The following SLC16A10 variants were observed in gnomAD, a reference collection of about 807,000 sequenced individuals.
SLC16A10 encodes monocarboxylate transporter 10.
Under a neutral mutation model 40.0 loss-of-function variants are expected in SLC16A10, and 27 were observed. The observed-to-expected ratio is 0.67, with a 90% CI of 0.50 to 0.93. SLC16A10 has a LOEUF of 0.93. SLC16A10 is among the 40% of genes least tolerant of loss of function. The pLI, the probability that SLC16A10 is intolerant of heterozygous loss-of-function variation, is 0.00. For missense variants in SLC16A10, 529 were observed against 658.2 expected (o/e 0.80, Z 2.15); for synonymous variants, 213 against 249.8 (o/e 0.85, Z 1.39).
chr6:111,176,236 C>A (rs1431410269), intron 2 of SLC16A10, among the ~76,000 whole-genome samples: 1 of 152,264 alleles, frequency 6.6e-6, no homozygotes, highest in Admixed American at 6.5e-5. Flanking sequence ...TTATCAGATT[C>A]TAGAGTTCCT....
At chr6:111,107,234 TACA>T (rs1254277998) in intron 1 of SLC16A10, among the ~76,000 whole-genome samples, 1 of 152,216 alleles carries the variant, frequency 6.6e-6, no homozygotes, top group Non-Finnish European at 1.5e-5. Context: ...ACTAACTTGT[TACA>T]ACATGTCTGA....
At chr6:111,217,730 A>C (rs1770792076) in intron 4 of SLC16A10, among the ~76,000 whole-genome samples, 1 of 152,282 alleles carries the variant, frequency 6.6e-6, no homozygotes, top group African/African-American at 2.4e-5. Context: ...GGTTACAGGC[A>C]TGAGCCACCG....
chr6:111,111,717 T>A (rs952078168), intron 1 of SLC16A10, among the ~76,000 whole-genome samples: 3 of 152,230 alleles, frequency 2.0e-5, no homozygotes, highest in Non-Finnish European at 2.9e-5. Flanking sequence ...TTCTATGAGA[T>A]CAGCCTTTTA....
chr6:111,155,366 C>T (rs191990371), intron 1 of SLC16A10, among the ~76,000 whole-genome samples: 6 of 151,210 alleles, frequency 4.0e-5, no homozygotes, highest in South Asian at 4.2e-4. Flanking sequence ...AAAGTTGTTT[C>T]GTTTTTTTTT....
At chr6:111,217,268 T>C (rs1773440967) in intron 4 of SLC16A10, among the ~76,000 whole-genome samples, 1 of 152,206 alleles carries the variant, frequency 6.6e-6, no homozygotes, top group Non-Finnish European at 1.5e-5. Flanking sequence ...TAGTACCACC[T>C]CATAAAGTTG....
chr6:111,096,015 A>G (rs568836398), intron 1 of SLC16A10, among the ~76,000 whole-genome samples: 1 of 152,322 alleles, frequency 6.6e-6, no homozygotes, highest in South Asian at 2.1e-4. Context: ...GATAGATAAG[A>G]AAGTTGCAAC....
rs187793664 is a variant in SLC16A10 at position 111,154,809 on chromosome 6, A to G, written c.344-17886A>G. Among the ~76,000 whole-genome samples the G allele has an allele frequency of 3.0e-3, 458 of 152,226 alleles. 5 individuals are homozygous for G. Among genetic ancestry groups the G allele is most frequent in the African/African-American group, 0.011 (446 of 41,538 alleles). ...GGAGTTCGAGACCAGCCTGGCCAAC[A>G]TGGAAACCTCGTCTCTACTGAAAAT... On this transcript the variant is annotated intron_variant, in intron 1 of 5. Coordinates refer to ENST00000368851, the MANE Select transcript of SLC16A10 (RefSeq NM_018593.5).
chr6:111,221,165 A>T (rs1770881421), intron 5 of SLC16A10, among the ~76,000 whole-genome samples: 3 of 152,226 alleles, frequency 2.0e-5, no homozygotes, highest in Non-Finnish European at 4.4e-5. Flanking sequence ...TAAGAGTTTA[A>T]AAACACTAAG....
intron 1 of SLC16A10, among the ~76,000 whole-genome samples, chr6:111,127,854 A>G (rs1771703874): frequency 6.6e-6 from 1 of 152,144 alleles, no homozygotes; most frequent in African/African-American, 2.4e-5. Context: ...CAAAATAGGG[A>G]TTAGGAAGTA....
chr6:111,205,196 A>G (rs1773234619), intron 3 of SLC16A10, among the ~76,000 whole-genome samples: 1 of 152,202 alleles, frequency 6.6e-6, no homozygotes, highest in Non-Finnish European at 1.5e-5. Context: ...AGAAGAGAAA[A>G]AGGAGATGGT....
At chr6:111,096,124 T>C (rs192745234) in intron 1 of SLC16A10, among the ~76,000 whole-genome samples, 1 of 152,286 alleles carries the variant, frequency 6.6e-6, no homozygotes, top group East Asian at 1.9e-4. Context: ...GTCAAAGTTG[T>C]CCTGAAAGTA....
intron 3 of SLC16A10, among the ~76,000 whole-genome samples, chr6:111,190,806 G>T (rs1478375176): frequency 6.6e-6 from 1 of 152,218 alleles, no homozygotes; most frequent in Non-Finnish European, 1.5e-5. Flanking sequence ...ACAGCAGGGG[G>T]ACTCTGGGCC....
At chr6:111,134,313 C>T (rs898338647) in intron 1 of SLC16A10, among the ~76,000 whole-genome samples, 10 of 152,218 alleles carry the variant, frequency 6.6e-5, no homozygotes, top group Non-Finnish European at 1.3e-4. Context: ...AAAGAAAATC[C>T]TACCACCTTT....
rs765226647 is a variant in SLC16A10 at position 111,177,753 on chromosome 6, G to T, written c.942+88G>T. On this transcript the variant is annotated intron_variant, in intron 3 of 5. Transcript: ENST00000368851. ...AGAAAGTTAGGTCGAGTTAAAGTTG[G>T]CCTCAAACATTATCCTGGTTGTAAT... The T allele has an allele frequency of 8.2e-6, 10 of 1,212,376 alleles. No homozygotes were observed. The African/African-American group carries it at 1.5e-4, about 18-fold the overall frequency. 75.1% of individuals were successfully genotyped at this position (1,212,376 alleles called of 1,614,324 possible).
At chr6:111,144,863 G>A (rs938078392) in intron 1 of SLC16A10, among the ~76,000 whole-genome samples, 1 of 151,840 alleles carries the variant, frequency 6.6e-6, no homozygotes, top group Non-Finnish European at 1.5e-5. Flanking sequence ...CTTTTTTCCT[G>A]AGACGGAGTC....
rs190757763 is a variant in SLC16A10, at chr6:111,137,340, G to A, written c.344-35355G>A. Among the ~76,000 whole-genome samples the A allele has an allele frequency of 6.0e-4, 91 of 152,336 alleles. 1 individual carries two copies. Among genetic ancestry groups the A allele is most frequent in the Middle Eastern group, 3.4e-3 (1 of 294 alleles). On this transcript the variant is annotated intron_variant, in intron 1 of 5. Transcript: ENST00000368851. ...ACTTAGGCATTGATAGCACCCATCA[G>A]ATGGCCAAATCATTATTTACTGGAC...
At position 111,133,593 on chromosome 6, in the gene SLC16A10, A is replaced by G. The variant is rs571003008; in HGVS notation, c.344-39102A>G. Among the ~76,000 whole-genome samples, 10 of 152,320 alleles carry G rather than the reference A, an allele frequency of 6.6e-5. No homozygotes were observed. The South Asian group carries it at 2.1e-3, about 32-fold the overall frequency. ...ACCTCTTTTGTAGAAAAGAAGGCAA[A>G]TGGAGTGAAGTGCCATATGTACAAA... On this transcript the variant is annotated intron_variant, in intron 1 of 5. Coordinates refer to ENST00000368851, the MANE Select transcript of SLC16A10 (RefSeq NM_018593.5).
At position 111,218,200 on chromosome 6, in the gene SLC16A10, A is replaced by G. The variant is rs1463673581; in HGVS notation, c.1087-614A>G. Among the ~76,000 whole-genome samples the G allele has an allele frequency of 7.4e-4, 112 of 152,198 alleles. 1 individual carries two copies. The highest frequency in any genetic ancestry group is 7.1e-3 in the Admixed American group (109 of 15,276). ...AGATACAGGATCCTTAAACTTCATAATATCTAGTCCAAAGATGAATTTTTT... is the reference window on the plus strand; with the variant it reads ...AGATACAGGATCCTTAAACTTCATAGTATCTAGTCCAAAGATGAATTTTTT... On this transcript the variant is annotated intron_variant, in intron 4 of 5. Coordinates refer to ENST00000368851, the MANE Select transcript of SLC16A10 (RefSeq NM_018593.5).
intron 3 of SLC16A10, among the ~76,000 whole-genome samples, chr6:111,205,637 A>C (rs139901155): frequency 1.2e-4 from 19 of 152,352 alleles, no homozygotes; most frequent in African/African-American, 4.6e-4. Flanking sequence ...ACAGACAAAG[A>C]AACTGAAACC....
Sources: gnomAD v4.1 joint callset for allele counts (sites outside exome capture counted in the v4.1 genomes callset) on GRCh38, gnomAD v4.1.1 for gene constraint, MANE v1.5 for transcripts, NCBI Gene and HGNC (gene_info 2026-07-23, HGNC 2026-07-21) for gene names.